The following DLG2 variants were observed in gnomAD, a reference collection of about 807,000 sequenced individuals.
The protein encoded by DLG2 is disks large homolog 2.
Under a neutral mutation model 132.5 loss-of-function variants are expected in DLG2, and 45 were observed. That is an observed-to-expected ratio of 0.34 (90% CI 0.27 to 0.44). DLG2 has a LOEUF of 0.44. DLG2 is among the 20% of genes least tolerant of loss of function. The probability of loss-of-function intolerance (pLI) is 1.00; values close to 1 mark genes in which losing one functional copy is unlikely to be tolerated. For missense variants in DLG2, 1,045 were observed against 1,196.9 expected (o/e 0.87, Z 1.87); for synonymous variants, 424 against 419.6 (o/e 1.01, Z -0.13).
intron 11 of DLG2, among the ~76,000 whole-genome samples, chr11:83,996,286 C>T (rs1214790505): frequency 6.6e-6 from 1 of 152,136 alleles, no homozygotes; most frequent in Non-Finnish European, 1.5e-5. Flanking sequence ...CATCTCACCC[C>T]AGTTAAAATG....
chr11:84,571,787 A>G (rs891887003), intron 6 of DLG2, among the ~76,000 whole-genome samples: 1 of 152,162 alleles, frequency 6.6e-6, no homozygotes, highest in Admixed American at 6.6e-5. Context: ...AAACATGCTC[A>G]TAACTTTAGG....
intron 11 of DLG2, among the ~76,000 whole-genome samples, chr11:84,002,676 C>T (rs971476374): frequency 4.6e-5 from 7 of 152,078 alleles, no homozygotes; most frequent in Non-Finnish European, 8.8e-5. Flanking sequence ...GCAAGGCCCT[C>T]GTCCTTGCCC....
rs200999839 is a variant in DLG2 at position 84,307,514 on chromosome 11, G to GT, written c.520-56224dup. Among the ~76,000 whole-genome samples, 162 of 152,196 alleles carry GT rather than the reference G, an allele frequency of 1.1e-3. 4 individuals carry two copies. In the East Asian group the frequency reaches 0.028, roughly 27 times the overall value. ...GATCCAGACCATCCTGGCTAACACG[G>GT]TGAAACCCTGTCTCTACTAAAACTA... On this transcript the variant is annotated intron_variant, in intron 7 of 27. Transcript: ENST00000376104.
intron 18 of DLG2, among the ~76,000 whole-genome samples, chr11:83,705,206 T>C (rs981660050): frequency 6.6e-5 from 10 of 152,212 alleles, no homozygotes; most frequent in African/African-American, 2.4e-4. Flanking sequence ...TTAAAAGAGT[T>C]CTAAACTTCT....
chr11:85,151,006 AT>A (rs2077212283), intron 5 of DLG2, among the ~76,000 whole-genome samples: 1 of 152,080 alleles, frequency 6.6e-6, no homozygotes, highest in Non-Finnish European at 1.5e-5. Context: ...AAGCATTTCA[AT>A]TTCTCCACAT....
intron 7 of DLG2, among the ~76,000 whole-genome samples, chr11:84,276,698 G>A (rs1310482118): frequency 6.6e-6 from 1 of 152,110 alleles, no homozygotes; most frequent in Admixed American, 6.5e-5. Flanking sequence ...ATCTAAATAT[G>A]TCACGATGCT....
intron 17 of DLG2, among the ~76,000 whole-genome samples, chr11:83,828,649 G>A (rs1355837642): frequency 1.3e-5 from 2 of 152,118 alleles, no homozygotes; most frequent in Admixed American, 1.3e-4. Flanking sequence ...TTTGGGAAAT[G>A]CCAATCTAGT....
At chr11:84,243,017 C>CTCTCTCTCTCTCTCTCTCTA (rs542476924) in intron 8 of DLG2, among the ~76,000 whole-genome samples, 82 of 142,192 alleles carry the variant, frequency 5.8e-4, no homozygotes, top group South Asian at 1.4e-3. Context: ...CTCTCTCTCT[C>CTCTCTCTCTCTCTCTCTCTA]TATATATATA....
At chr11:83,919,727 T>C (rs1408168000) in intron 15 of DLG2, among the ~76,000 whole-genome samples, 6 of 152,334 alleles carry the variant, frequency 3.9e-5, no homozygotes, top group South Asian at 2.1e-4. Flanking sequence ...CTGGAAAATA[T>C]AGAGGTTGGA....
chr11:84,751,136 T>C (rs760223492), intron 6 of DLG2, among the ~76,000 whole-genome samples: 7 of 152,138 alleles, frequency 4.6e-5, no homozygotes, highest in Admixed American at 1.3e-4. Context: ...GACTCTTATA[T>C]CAAAATTGCA....
chr11:84,821,874 T>C (rs1365072713), intron 6 of DLG2, among the ~76,000 whole-genome samples: 6 of 151,736 alleles, frequency 4.0e-5, no homozygotes. Flanking sequence ...TGGAAAACAA[T>C]GCTAACTTTT....
intron 14 of DLG2, among the ~76,000 whole-genome samples, chr11:83,939,790 T>C (rs925939913): frequency 3.9e-5 from 6 of 152,184 alleles, no homozygotes; most frequent in Non-Finnish European, 8.8e-5. Flanking sequence ...TATACTTCTG[T>C]AGGCCAATTT....
chr11:84,404,191 C>T (rs186704711), intron 7 of DLG2, among the ~76,000 whole-genome samples: 194 of 152,108 alleles, frequency 1.3e-3, no homozygotes, highest in Admixed American at 4.2e-3. Context: ...GTATGCCGCT[C>T]TCATCTAACA....
At chr11:84,624,437 T>C (rs1040385817) in intron 6 of DLG2, among the ~76,000 whole-genome samples, 1 of 152,150 alleles carries the variant, frequency 6.6e-6, no homozygotes, top group African/African-American at 2.4e-5. Flanking sequence ...TTACAATTGA[T>C]TGCTGTCATG....
At chr11:84,956,654 G>C (rs2051712342) in intron 6 of DLG2, among the ~76,000 whole-genome samples, 1 of 152,060 alleles carries the variant, frequency 6.6e-6, no homozygotes, top group Non-Finnish European at 1.5e-5. Flanking sequence ...GCTCCGGAAG[G>C]CACTACATAC....
At chr11:83,549,782 A>T (rs76484986) in intron 19 of DLG2, among the ~76,000 whole-genome samples, 2,894 of 152,260 alleles carry the variant, frequency 0.019, 100 homozygotes, top group African/African-American at 0.066. Flanking sequence ...TTGAAAACAG[A>T]GGAGGCACCC....
chr11:84,273,339 T>G, intron 7 of DLG2: 1 of 1,322,040 alleles, frequency 7.6e-7, no homozygotes, highest in Non-Finnish European at 9.6e-7. Flanking sequence ...ACCCTGCAGA[T>G]CTGTTACATA....
chr11:85,577,028 T>TG (rs2078198494), intron 3 of DLG2, among the ~76,000 whole-genome samples: 1 of 151,964 alleles, frequency 6.6e-6, no homozygotes, highest in Admixed American at 6.6e-5. Context: ...GAGTAGGCAA[T>TG]GGGGGGCATG....
At chr11:84,784,143 C>CAAAAAAAAAAAAAAAA (rs59301159) in intron 6 of DLG2, among the ~76,000 whole-genome samples, 2 of 8,656 alleles carry the variant, frequency 2.3e-4, no homozygotes, top group African/African-American at 4.7e-4. Flanking sequence ...ACTAAAAATG[C>CAAAAAAAAAAAAAAAA]AAAAAAAAAA....
Sources: gnomAD v4.1 joint callset for allele counts (sites outside exome capture counted in the v4.1 genomes callset) on GRCh38, gnomAD v4.1.1 for gene constraint, MANE v1.5 for transcripts, NCBI Gene and HGNC (gene_info 2026-07-23, HGNC 2026-07-21) for gene names.